The following KCNN3 variants were observed in gnomAD, a reference collection of about 807,000 sequenced individuals.
The protein encoded by KCNN3 is small conductance calcium-activated potassium channel protein 3.
A neutral mutation model predicts 62.9 loss-of-function variants in KCNN3; 16 were observed. The observed-to-expected ratio is 0.25, with a 90% CI of 0.17 to 0.39. KCNN3 has a LOEUF of 0.39. Among genes scored for constraint, KCNN3 ranks in the 10% least tolerant of loss-of-function variants. The pLI, the probability that KCNN3 is intolerant of heterozygous loss-of-function variation, is 1.00. For missense variants in KCNN3, 599 were observed against 949.4 expected, an observed-to-expected ratio of 0.63 and a Z score of 4.85; for synonymous variants, 370 against 389.2, an observed-to-expected ratio of 0.95 and a Z score of 0.58.
chr1:154,736,978 G>T (rs532227544), intron 3 of KCNN3: 44 of 700,208 alleles, frequency 6.3e-5, no homozygotes, highest in Admixed American at 1.4e-4. Context: ...AGATGAATTG[G>T]ACATGCACCC....
chr1:154,864,591 A>G (rs1055554394), intron 1 of KCNN3, among the ~76,000 whole-genome samples: 1 of 152,276 alleles, frequency 6.6e-6, no homozygotes, highest in African/African-American at 2.4e-5. Context: ...TCCCCTGGGC[A>G]TACGGAGAAG....
intron 1 of KCNN3, among the ~76,000 whole-genome samples, chr1:154,863,994 C>T (rs1001673972): frequency 6.6e-6 from 1 of 152,254 alleles, no homozygotes; most frequent in Non-Finnish European, 1.5e-5. Flanking sequence ...AAAGTCACCA[C>T]CACCCTGGGG....
intron 2 of KCNN3, among the ~76,000 whole-genome samples, chr1:154,783,517 C>A (rs968962493): frequency 6.6e-6 from 1 of 152,080 alleles, no homozygotes; most frequent in Non-Finnish European, 1.5e-5. Flanking sequence ...GGGTCCCTAG[C>A]GAGGAAGAGA....
At position 154,737,213 on chromosome 1, in the gene KCNN3, G is replaced by A. The variant is rs936006175; in HGVS notation, c.1449-4069C>T. ...TTTTTGCAATAGAAAATTTGGGGGGGGGGGATAGCTCCATGTTTTTCTTTA... is the reference window on the plus strand; with the variant it reads ...TTTTTGCAATAGAAAATTTGGGGGGAGGGGATAGCTCCATGTTTTTCTTTA... On this transcript the variant is annotated intron_variant, in intron 3 of 7. Transcript: ENST00000271915. The A allele has an allele frequency of 1.1e-4, 29 of 274,810 alleles. 2 individuals carry two copies. The highest frequency in any genetic ancestry group is 3.9e-4 in the African/African-American group (17 of 43,906). The allele number at this position is 274,810 out of a possible 1,614,324, so 17.0% of individuals were successfully genotyped here. A position where few individuals can be genotyped will look rare whatever the true frequency, so the allele number is the denominator to read the frequency against.
chr1:154,764,185 T>C (rs545318331), intron 3 of KCNN3, among the ~76,000 whole-genome samples: 27 of 152,378 alleles, frequency 1.8e-4, no homozygotes, highest in Non-Finnish European at 3.2e-4. Flanking sequence ...AACACAATTA[T>C]GTTGATTGTT....
At chr1:154,864,866 G>C (rs1162895062) in intron 1 of KCNN3, among the ~76,000 whole-genome samples, 1 of 152,156 alleles carries the variant, frequency 6.6e-6, no homozygotes, top group Non-Finnish European at 1.5e-5. Context: ...CAGTTTCAAG[G>C]CCGGGCATGG....
At chr1:154,751,167 A>C (rs1647360869) in intron 3 of KCNN3, among the ~76,000 whole-genome samples, 1 of 152,024 alleles carries the variant, frequency 6.6e-6, no homozygotes, top group South Asian at 2.1e-4. Context: ...GACCCGCCCA[A>C]CTCGCGGTGT....
intron 2 of KCNN3, among the ~76,000 whole-genome samples, chr1:154,790,846 A>C (rs538584890): frequency 1.0e-3 from 152 of 152,346 alleles, no homozygotes; most frequent in Non-Finnish European, 1.9e-3. Flanking sequence ...ACTGTACAGA[A>C]TTTCAGGTTT....
At chr1:154,868,342 GATTTCCTCCACCTAT>G (rs1487423660) in intron 1 of KCNN3, 1 of 987,340 alleles carries the variant, frequency 1.0e-6, no homozygotes, top group Non-Finnish European at 1.2e-6. Context: ...AAGGACCACT[GATTTCCTCCACCTAT>G]ATTTTTACCC....
chr1:154,791,283 C>G (rs573332378), intron 2 of KCNN3, among the ~76,000 whole-genome samples: 15 of 146,622 alleles, frequency 1.0e-4, no homozygotes, highest in African/African-American at 3.8e-4. Flanking sequence ...GTGTATCATA[C>G]CACTTTTTTT....
intron 2 of KCNN3, among the ~76,000 whole-genome samples, chr1:154,790,130 T>G (rs1649447740): frequency 6.6e-6 from 1 of 152,092 alleles, no homozygotes. Flanking sequence ...TGGCAACATA[T>G]ATGTTGGCCA....
chr1:154,752,686 G>A (rs1647435608), intron 3 of KCNN3, among the ~76,000 whole-genome samples: 1 of 152,050 alleles, frequency 6.6e-6, no homozygotes, highest in Non-Finnish European at 1.5e-5. Flanking sequence ...ACAATTCCTA[G>A]CCTCCTACAG....
chr1:154,730,786 G>A (rs1351376801), intron 4 of KCNN3, among the ~76,000 whole-genome samples: 4 of 152,156 alleles, frequency 2.6e-5, no homozygotes, highest in Admixed American at 6.5e-5. Context: ...CTCATCGTCC[G>A]TTTCTTCTTT....
rs1275346466 is a variant in KCNN3, at chr1:154,705,063, A to C, written c.*2913T>G. The C allele has an allele frequency of 6.6e-6, 1 of 152,154 alleles. No homozygotes were observed. The highest frequency in any genetic ancestry group is 2.4e-5 in the African/African-American group (1 of 41,440). 9.4% of individuals were successfully genotyped at this position (152,154 alleles called of 1,614,324 possible). On this transcript the variant is annotated 3_prime_UTR_variant, in exon 8 of 8. Transcript: ENST00000271915. ...TGGGATTACAGGCATGAGCCACCGC[A>C]CCTGGCTATATATACCAGATTCTTG...
At chr1:154,727,458 C>G (rs1231567681) in intron 4 of KCNN3, among the ~76,000 whole-genome samples, 2 of 152,202 alleles carry the variant, frequency 1.3e-5, no homozygotes, top group Non-Finnish European at 2.9e-5. Context: ...CTATTTCTCT[C>G]TTTATCCCAC....
At chr1:154,760,894 C>G (rs1254889848) in intron 3 of KCNN3, among the ~76,000 whole-genome samples, 1 of 152,262 alleles carries the variant, frequency 6.6e-6, no homozygotes, top group Non-Finnish European at 1.5e-5. Context: ...CGCCCCGCGG[C>G]CCTGTCCACC....
chr1:154,798,634 G>A (rs1292191618), intron 2 of KCNN3, among the ~76,000 whole-genome samples: 1 of 152,132 alleles, frequency 6.6e-6, no homozygotes, highest in Non-Finnish European at 1.5e-5. Flanking sequence ...ATTTCTTAAG[G>A]GTAATGGGGA....
intron 3 of KCNN3, among the ~76,000 whole-genome samples, chr1:154,769,382 G>A (rs2101836392): frequency 6.6e-6 from 1 of 152,284 alleles, no homozygotes; most frequent in South Asian, 2.1e-4. Context: ...TTTGCTCATT[G>A]TTCCTCTGTG....
At chr1:154,731,161 C>A (rs929223510) in intron 4 of KCNN3, among the ~76,000 whole-genome samples, 1 of 152,212 alleles carries the variant, frequency 6.6e-6, no homozygotes, top group Non-Finnish European at 1.5e-5. Context: ...AGGCACAAAG[C>A]CCCAGGAGTG....
Sources: allele counts gnomAD v4.1 joint callset (sites outside exome capture counted in the v4.1 genomes callset), GRCh38; gene constraint gnomAD v4.1.1; transcripts MANE v1.5; gene names NCBI Gene and HGNC (gene_info 2026-07-23, HGNC 2026-07-21).